The following PPP2R2B variants were observed in gnomAD, a reference collection of about 807,000 sequenced individuals.
The protein encoded by PPP2R2B is serine/threonine-protein phosphatase 2A 55 kDa regulatory subunit B beta isoform.
PPP2R2B carries 5 observed loss-of-function variants against 46.0 expected under a neutral mutation model. The ratio of observed to expected loss-of-function variants is 0.11; its 90% CI spans 0.06 to 0.23. PPP2R2B has a LOEUF of 0.23. Ranked by LOEUF, PPP2R2B falls within the 10% of genes least tolerant of loss-of-function variation. The pLI, the probability that PPP2R2B is intolerant of heterozygous loss-of-function variation, is 1.00. For synonymous variants in PPP2R2B, 215 were observed against 206.7 expected (o/e 1.04, Z -0.34); for missense variants, 367 against 575.0 (o/e 0.64, Z 3.70).
At chr5:146,921,373 T>C (rs1309636334) in intron 1 of PPP2R2B, among the ~76,000 whole-genome samples, 1 of 152,210 alleles carries the variant, frequency 6.6e-6, no homozygotes, top group East Asian at 1.9e-4. Context: ...AAGCAGCTAC[T>C]CCTTTTGCCA....
chr5:146,991,391 G>C (rs1753691701), intron 1 of PPP2R2B, among the ~76,000 whole-genome samples: 1 of 152,082 alleles, frequency 6.6e-6, no homozygotes, highest in Non-Finnish European at 1.5e-5. Context: ...TAGAAGTAGA[G>C]AGTAGAATAG....
intron 5 of PPP2R2B, among the ~76,000 whole-genome samples, chr5:146,678,242 G>A (rs1165131846): frequency 9.2e-5 from 14 of 151,736 alleles, no homozygotes; most frequent in Admixed American, 3.9e-4. Flanking sequence ...CTCAATATAC[G>A]CAAATCAATA....
intron 2 of PPP2R2B, among the ~76,000 whole-genome samples, chr5:146,702,860 A>T (rs943204708): frequency 6.6e-6 from 1 of 152,194 alleles, no homozygotes; most frequent in African/African-American, 2.4e-5. Context: ...TCCAGTGAAT[A>T]CTACCTTAAG....
At chr5:146,910,780 A>T in intron 1 of PPP2R2B, among the ~76,000 whole-genome samples, 1 of 152,294 alleles carries the variant, frequency 6.6e-6, no homozygotes, top group South Asian at 2.1e-4. Context: ...GTATAAAATC[A>T]TATTTTTAAA....
rs10591869 is a variant in PPP2R2B at position 146,878,727 on chromosome 5, AGCTGCT to A, written c.-267_-262del. Reference sequence around the variant, plus strand: ...CTCACACCCACACGCGCGCACTCGCAGCTGCTGCTGCTGCTGCTGCTGCTGCTGCTG... The same window carrying A: ...CTCACACCCACACGCGCGCACTCGCAGCTGCTGCTGCTGCTGCTGCTGCTG... On this transcript the variant is annotated 5_prime_UTR_variant, in exon 1 of 10. Coordinates refer to ENST00000394411, the MANE Select transcript of PPP2R2B (RefSeq NM_181675.4). This position sits in a 1 kb window ranked among gnomAD's most constrained non-coding sequence, Gnocchi z 4.5. 9.7e-4 allele frequency: 1,253 copies of A among 1,297,202 alleles called. 10 individuals are homozygous for A. The African/African-American group carries it at 0.015, about 15-fold the overall frequency. 80.4% of individuals were successfully genotyped at this position (1,297,202 alleles called of 1,614,324 possible).
intron 5 of PPP2R2B, 42 bp from the exon 6 acceptor site, chr5:146,650,766 T>C: frequency 6.4e-7 from 1 of 1,573,018 alleles, no homozygotes. Flanking sequence ...ACCAAAGATC[T>C]TCCATAGGAA....
chr5:146,861,107 G>A (rs1438508296), intron 2 of PPP2R2B, among the ~76,000 whole-genome samples: 1 of 146,992 alleles, frequency 6.8e-6, no homozygotes, highest in Non-Finnish European at 1.5e-5. Context: ...TCGGGCTGGA[G>A]TGCAGTGGCG....
intron 2 of PPP2R2B, among the ~76,000 whole-genome samples, chr5:146,853,166 C>T (rs1760453308): frequency 6.6e-6 from 1 of 152,118 alleles, no homozygotes; most frequent in Non-Finnish European, 1.5e-5. Flanking sequence ...GGAAATGCCA[C>T]TTTTGACTAC....
intron 2 of PPP2R2B, among the ~76,000 whole-genome samples, chr5:146,702,906 A>T (rs543324539): frequency 6.6e-6 from 1 of 152,358 alleles, no homozygotes; most frequent in South Asian, 2.1e-4. Context: ...ACTAAGTTCC[A>T]GATGTAAGTT....
At position 146,650,682 on chromosome 5, in the gene PPP2R2B, G is replaced by A. The variant is rs1371155769; in HGVS notation, c.490C>T (p.Pro164Ser). 1 of 1,613,928 alleles carries A rather than the reference G, an allele frequency of 6.2e-7. No homozygotes were observed. The highest frequency in any genetic ancestry group is 8.5e-7 in the Non-Finnish European group (1 of 1,179,900). Reference sequence around the variant, plus strand: ...TGTGCGTTGGCAAATACTCTTCGTGGGGTGGCCTCCACCATCAGGTCCATG... The same window carrying A: ...TGTGCGTTGGCAAATACTCTTCGTGAGGTGGCCTCCACCATCAGGTCCATG... Reference protein sequence around the residue: ...RPMDLMVEATPRRVFANAHTY... With the variant: ...RPMDLMVEATSRRVFANAHTY... Residue 164 changes from proline (P) to serine (S), a missense_variant, in exon 6 of 10, where the codon CCA becomes TCA. Pro to Ser is a moderately conservative substitution (Grantham distance 74). Transcript: ENST00000394411.
At chr5:146,727,153 G>T (rs1751924302) in intron 2 of PPP2R2B, among the ~76,000 whole-genome samples, 1 of 151,798 alleles carries the variant, frequency 6.6e-6, no homozygotes, top group Non-Finnish European at 1.5e-5. Context: ...AAAAAACAGT[G>T]ACAAGAACAA....
intron 2 of PPP2R2B, among the ~76,000 whole-genome samples, chr5:146,828,443 A>G (rs1372420883): frequency 6.6e-6 from 1 of 152,180 alleles, no homozygotes; most frequent in Admixed American, 6.5e-5. Flanking sequence ...AGACAGCTTA[A>G]TTGCATTAAG....
chr5:146,843,872 C>T (rs1350165345), intron 2 of PPP2R2B, among the ~76,000 whole-genome samples: 1 of 151,708 alleles, frequency 6.6e-6, no homozygotes, highest in Non-Finnish European at 1.5e-5. Context: ...TGGGTTGGTT[C>T]CAAGTCTTTG....
intron 1 of PPP2R2B, among the ~76,000 whole-genome samples, chr5:146,923,729 A>G (rs556766926): frequency 6.6e-6 from 1 of 152,326 alleles, no homozygotes; most frequent in East Asian, 1.9e-4. Context: ...GTATATACCC[A>G]AAAGAATATA....
At chr5:146,676,348 G>GT (rs1281384670) in intron 5 of PPP2R2B, among the ~76,000 whole-genome samples, 3 of 152,080 alleles carry the variant, frequency 2.0e-5, no homozygotes, top group Admixed American at 2.0e-4. Flanking sequence ...TGCCCAGCAT[G>GT]ATCTGGCCAT....
intron 8 of PPP2R2B, among the ~76,000 whole-genome samples, chr5:146,599,279 T>C (rs530713726): frequency 6.6e-6 from 1 of 152,304 alleles, no homozygotes; most frequent in African/African-American, 2.4e-5. Context: ...TGATTCCCTC[T>C]CCCTGCACAT....
chr5:146,789,357 A>G (rs1756046333), intron 2 of PPP2R2B, among the ~76,000 whole-genome samples: 1 of 152,218 alleles, frequency 6.6e-6, no homozygotes, highest in Non-Finnish European at 1.5e-5. Flanking sequence ...ACTATCATCA[A>G]TGATTTTAGA....
intron 2 of PPP2R2B, among the ~76,000 whole-genome samples, chr5:147,078,563 G>A (rs1011177243): frequency 7.2e-5 from 11 of 152,010 alleles, no homozygotes; most frequent in African/African-American, 1.7e-4. Context: ...CAAGGCAGGC[G>A]GATCACGAGG....
chr5:146,628,645 A>G (rs949049846), intron 7 of PPP2R2B, among the ~76,000 whole-genome samples: 3 of 152,208 alleles, frequency 2.0e-5, no homozygotes, highest in Non-Finnish European at 4.4e-5. Flanking sequence ...CCAAACCACA[A>G]TGGAATTAAG....
Sources: allele counts gnomAD v4.1 joint callset (sites outside exome capture counted in the v4.1 genomes callset), GRCh38; gene constraint gnomAD v4.1.1; non-coding constraint Gnocchi (gnomAD v3.1); transcripts MANE v1.5; gene names NCBI Gene and HGNC (gene_info 2026-07-23, HGNC 2026-07-21).